The following TBC1D5 variants were observed in gnomAD, a reference collection of about 807,000 sequenced individuals.
TBC1D5 encodes TBC1 domain family member 5.
Under a neutral mutation model 100.3 loss-of-function variants are expected in TBC1D5, and 75 were observed. That is an observed-to-expected ratio of 0.75 (90% confidence interval 0.62 to 0.91). TBC1D5 has a LOEUF of 0.91. Ranked by LOEUF, TBC1D5 falls within the 40% of genes least tolerant of loss-of-function variation. TBC1D5 has a pLI of 0.00. For missense variants in TBC1D5, 910 were observed against 942.4 expected, an observed-to-expected ratio of 0.97 and a Z score of 0.45; for synonymous variants, 323 against 325.6, an observed-to-expected ratio of 0.99 and a Z score of 0.09.
intron 18 of TBC1D5, among the ~76,000 whole-genome samples, chr3:17,189,779 C>A (rs750397712): frequency 4.6e-5 from 7 of 152,176 alleles, no homozygotes; most frequent in Admixed American, 1.3e-4. Flanking sequence ...TGGTCCTTCC[C>A]ATGAATAATC....
chr3:17,374,083 G>A (rs918803580), intron 12 of TBC1D5, among the ~76,000 whole-genome samples: 8 of 152,078 alleles, frequency 5.3e-5, no homozygotes, highest in Non-Finnish European at 1.0e-4. Context: ...GATGCTAAAT[G>A]TATGAATTCA....
At chr3:17,217,591 T>C (rs1251292181) in intron 17 of TBC1D5, among the ~76,000 whole-genome samples, 2 of 152,138 alleles carry the variant, frequency 1.3e-5, no homozygotes, top group Non-Finnish European at 2.9e-5. Context: ...TGGTATTTCA[T>C]TGTGATTTTG....
chr3:17,317,089 A>C (rs2084788637), intron 13 of TBC1D5, among the ~76,000 whole-genome samples: 1 of 152,164 alleles, frequency 6.6e-6, no homozygotes, highest in Non-Finnish European at 1.5e-5. Context: ...TCCACGCTAA[A>C]TCCCCCAAGC....
intron 1 of TBC1D5, among the ~76,000 whole-genome samples, chr3:17,732,712 G>A (rs939320038): frequency 1.3e-4 from 6 of 47,832 alleles, no homozygotes; most frequent in Non-Finnish European, 2.6e-4. Context: ...GCGAGGCTCC[G>A]TCTCAAAAAA....
chr3:17,369,570 G>A (rs1018258119), intron 13 of TBC1D5, among the ~76,000 whole-genome samples: 4 of 152,014 alleles, frequency 2.6e-5, no homozygotes, highest in African/African-American at 9.7e-5. Context: ...GGATGGACTC[G>A]AACTCCTGGG....
chr3:17,644,191 G>A, intron 1 of TBC1D5: 1 of 152,046 alleles, frequency 6.6e-6, no homozygotes, highest in East Asian at 1.9e-4. Context: ...TCAATCTAAT[G>A]CCAAAAGACT....
rs556075034 is a variant in TBC1D5, at chr3:17,361,153, C to T, written c.995+10922G>A. On this transcript the variant is annotated intron_variant, in intron 13 of 21. Coordinates refer to ENST00000253692, the Ensembl canonical transcript of TBC1D5. ...AATCAAGTCTCTATGTAACTATTTA[C>T]GTGACTGGAACGCTATTTCCTGTGT... Among the ~76,000 whole-genome samples, 167 of 152,048 alleles carry T rather than the reference C, an allele frequency of 1.1e-3. 1 individual carries two copies. The highest frequency in any genetic ancestry group is 3.9e-3 in the African/African-American group (160 of 41,524).
intron 14 of TBC1D5, among the ~76,000 whole-genome samples, chr3:17,293,157 AG>A (rs1180341944): frequency 1.3e-5 from 2 of 152,110 alleles, no homozygotes; most frequent in Non-Finnish European, 2.9e-5. Flanking sequence ...TCATTTGTAA[AG>A]CACTCACTTA....
At chr3:17,302,792 A>G (rs889872092) in intron 14 of TBC1D5, among the ~76,000 whole-genome samples, 1 of 152,150 alleles carries the variant, frequency 6.6e-6, no homozygotes, top group Non-Finnish European at 1.5e-5. Context: ...CATCCTACAA[A>G]AGTAGCTCCA....
intron 1 of TBC1D5, among the ~76,000 whole-genome samples, chr3:17,710,898 A>G (rs891893169): frequency 4.6e-5 from 7 of 152,168 alleles, no homozygotes; most frequent in Non-Finnish European, 7.4e-5. Flanking sequence ...GAGTTTCACC[A>G]TGTTGAGTTA....
chr3:17,385,234 T>A (rs566084363), intron 8 of TBC1D5, among the ~76,000 whole-genome samples: 2 of 152,140 alleles, frequency 1.3e-5, no homozygotes, highest in African/African-American at 4.8e-5. Context: ...GCCATTATTA[T>A]AATAGTATTT....
chr3:17,330,871 G>A (rs568702036), intron 13 of TBC1D5, among the ~76,000 whole-genome samples: 38 of 152,246 alleles, frequency 2.5e-4, no homozygotes, highest in African/African-American at 8.2e-4. Context: ...GCAAAAATCT[G>A]AATCTACTGC....
At chr3:17,371,220 T>G (rs939526602) in intron 13 of TBC1D5, among the ~76,000 whole-genome samples, 3 of 152,122 alleles carry the variant, frequency 2.0e-5, no homozygotes, top group Non-Finnish European at 2.9e-5. Context: ...CTATCTTACT[T>G]ACAGGAATCT....
chr3:17,535,733 A>T (rs1278851466), intron 2 of TBC1D5, among the ~76,000 whole-genome samples: 2 of 152,194 alleles, frequency 1.3e-5, no homozygotes, highest in Non-Finnish European at 2.9e-5. Context: ...AGGAGGGAGA[A>T]TGTTTTTAAA....
At chr3:17,693,045 C>G (rs2071405750) in intron 1 of TBC1D5, among the ~76,000 whole-genome samples, 1 of 152,172 alleles carries the variant, frequency 6.6e-6, no homozygotes, top group Non-Finnish European at 1.5e-5. Flanking sequence ...AAAGTCCTCA[C>G]CAGCAAAAAG....
At chr3:17,658,260 C>T (rs961171878) in intron 1 of TBC1D5, among the ~76,000 whole-genome samples, 1 of 152,200 alleles carries the variant, frequency 6.6e-6, no homozygotes, top group Non-Finnish European at 1.5e-5. Flanking sequence ...TAACTCCATT[C>T]ATTCAATTAG....
chr3:17,638,970 T>C (rs2064234543), intron 1 of TBC1D5, among the ~76,000 whole-genome samples: 1 of 152,148 alleles, frequency 6.6e-6, no homozygotes, highest in South Asian at 2.1e-4. Context: ...TCTTAAAAGG[T>C]TAAACATAAA....
chr3:17,520,715 T>C (rs914904604), intron 2 of TBC1D5, among the ~76,000 whole-genome samples: 2 of 152,076 alleles, frequency 1.3e-5, no homozygotes, highest in Non-Finnish European at 2.9e-5. Flanking sequence ...AAAATACAGA[T>C]GCCCAATTAA....
At chr3:17,611,688 C>T (rs1577011047) in intron 2 of TBC1D5, among the ~76,000 whole-genome samples, 1 of 152,042 alleles carries the variant, frequency 6.6e-6, no homozygotes, top group Non-Finnish European at 1.5e-5. Context: ...GAGTGGAGTG[C>T]TATCCTATAA....
Sources: gnomAD v4.1 joint callset for allele counts (sites outside exome capture counted in the v4.1 genomes callset) on GRCh38, gnomAD v4.1.1 for gene constraint, MANE v1.5 for transcripts, NCBI Gene and HGNC (gene_info 2026-07-23, HGNC 2026-07-21) for gene names.